The following SERF1B variants were observed in gnomAD, a reference collection of about 807,000 sequenced individuals.
SERF1B encodes the protein small EDRK-rich factor 1B.
rs1774262178 is a variant in SERF1B, at chr5:70,041,677, CT to C, written c.273del (p.Phe91LeufsTer28). On this transcript the variant is annotated frameshift_variant, in exon 3 of 3. Transcript: ENST00000380750. LOFTEE classifies it high-confidence loss of function. ...GCATAACTCCTATCTCTGCCTTTGT[CT>C]TTGTGGTCTTCTTTTCTGTCTTCTT... is the stretch of plus-strand genomic sequence containing the variant. Reference protein sequence around the residue: ...GSITPISAFVFVVFFSVFFPS... With the variant: ...GSITPISAFVXVVFFSVFFPS... 2 of 598,240 alleles carry C rather than the reference CT, an allele frequency of 3.3e-6. No individual in the cohort carries two copies. The highest frequency in any genetic ancestry group is 5.9e-5 in the Admixed American group (2 of 33,722). 37.1% of individuals were successfully genotyped at this position (598,240 alleles called of 1,614,324 possible). A position where few individuals can be genotyped will look rare whatever the true frequency, so the allele number is the denominator to read the frequency against.
At chr5:70,041,327 C>T (rs1169997592) in intron 2 of SERF1B, among the ~76,000 whole-genome samples, 197 bp from the exon 3 acceptor site, 1 of 146,726 alleles carries the variant, frequency 6.8e-6, no homozygotes, top group African/African-American at 2.8e-5. Flanking sequence ...ACTCTCTCAG[C>T]CTTCAGTAAG....
At chr5:70,036,594 T>TACACACAC (rs1212936359) in intron 2 of SERF1B, among the ~76,000 whole-genome samples, 74 of 106,354 alleles carry the variant, frequency 7.0e-4, no homozygotes, top group African/African-American at 2.8e-3. Context: ...TCTCAAAACA[T>TACACACAC]ACACACACAC....
chr5:70,035,383 ATTT>A lies in SERF1B; in HGVS notation c.117-6128_117-6126del, dbSNP rs763970203. ...AATTTTAATTATTATTATTATTATT[ATTT>A]TTTTTTTTTTTTGAGACGGAGTTTC... On this transcript the variant is annotated intron_variant, in intron 2 of 2. Transcript: ENST00000380750. Among the ~76,000 whole-genome samples, 33 of 136,528 alleles carry A rather than the reference ATTT, an allele frequency of 2.4e-4. No homozygotes were observed. The East Asian group carries it at 2.8e-3, about 12-fold the overall frequency. 89.6% of individuals were successfully genotyped at this position (136,528 alleles called of 152,430 possible). A position where few individuals can be genotyped will look rare whatever the true frequency, so the allele number is the denominator to read the frequency against.
intron 2 of SERF1B, among the ~76,000 whole-genome samples, chr5:70,036,641 T>G (rs1406667512): frequency 6.6e-6 from 1 of 150,546 alleles, no homozygotes; most frequent in African/African-American, 2.5e-5. Flanking sequence ...TCTCTCTCTC[T>G]CTCTCTCTCT....
intron 2 of SERF1B, among the ~76,000 whole-genome samples, chr5:70,035,383 A>ATTATTTT (rs1554065471): frequency 1.4e-4 from 19 of 136,534 alleles, no homozygotes; most frequent in South Asian, 2.2e-4. Flanking sequence ...TATTATTATT[A>ATTATTTT]TTTTTTTTTT....
At position 70,036,625 on chromosome 5, in the gene SERF1B, A is replaced by ACT. The variant is rs1217735761; in HGVS notation, c.117-4898_117-4897insTC. Reference sequence around the variant, plus strand: ...CACACACACACACACACACACACACACACACTCTCTCTCTCTCTCTCTCTC... The same window carrying ACT: ...CACACACACACACACACACACACACACTCACACTCTCTCTCTCTCTCTCTCTC... On this transcript the variant is annotated intron_variant, in intron 2 of 2. Transcript: ENST00000380750. Among the ~76,000 whole-genome samples the ACT allele has an allele frequency of 2.8e-3, 145 of 51,582 alleles. 2 individuals carry two copies. The highest frequency in any genetic ancestry group is 7.7e-3 in the African/African-American group (121 of 15,698). The allele number at this position is 51,582 out of a possible 152,430, so 33.8% of individuals were successfully genotyped here.
chr5:70,038,203 A>G (rs1353364971), intron 2 of SERF1B, among the ~76,000 whole-genome samples: 1 of 151,248 alleles, frequency 6.6e-6, no homozygotes, highest in African/African-American at 2.4e-5. Flanking sequence ...TTTTTGTCAA[A>G]TACTTTTTTT....
At position 70,035,383 on chromosome 5, in the gene SERF1B, A is replaced by ATTTTTAT. The variant is rs1774170074; in HGVS notation, c.117-6136_117-6135insATTTTTT. 1.4e-4 allele frequency among the ~76,000 whole-genome samples: 19 copies of ATTTTTAT among 136,576 alleles called. 1 individual carries two copies. Among genetic ancestry groups the ATTTTTAT allele is most frequent in the Non-Finnish European group, 2.5e-4 (16 of 62,798 alleles). 89.6% of individuals were successfully genotyped at this position (136,576 alleles called of 152,430 possible). A position where few individuals can be genotyped will look rare whatever the true frequency, so the allele number is the denominator to read the frequency against. On this transcript the variant is annotated intron_variant, in intron 2 of 2. Transcript: ENST00000380750. ...AATTTTAATTATTATTATTATTATT[A>ATTTTTAT]TTTTTTTTTTTTTTTGAGACGGAGT... is the stretch of plus-strand genomic sequence containing the variant.
intron 2 of SERF1B, among the ~76,000 whole-genome samples, chr5:70,031,887 AG>A (rs1216383647): frequency 9.6e-6 from 1 of 104,504 alleles, no homozygotes; most frequent in Non-Finnish European, 2.1e-5. Flanking sequence ...GATACCAGTT[AG>A]GATACCTAGG....
At position 70,029,257 on chromosome 5, in the gene SERF1B, A is replaced by G. The variant is rs561472918; in HGVS notation, c.116+2742A>G. ...CTTAAGCGATTCTCCTGCGTCAGCA[A>G]TCCAAGTAGCTGGAATTGCAGGCGT... On this transcript the variant is annotated intron_variant, in intron 2 of 2. Transcript: ENST00000380750. 1.8e-4 allele frequency among the ~76,000 whole-genome samples: 27 copies of G among 150,062 alleles called. No homozygotes were observed. The South Asian group carries it at 4.6e-3, about 26-fold the overall frequency.
At chr5:70,041,379 T>A (rs1774255166) in intron 2 of SERF1B, 145 bp from the exon 3 acceptor site, 1 of 694,732 alleles carries the variant, frequency 1.4e-6, no homozygotes, top group South Asian at 1.6e-5. Context: ...AATAATGGTA[T>A]ACTTCTCTCA....
chr5:70,028,987 C>A (rs1282165536), intron 2 of SERF1B, among the ~76,000 whole-genome samples: 6 of 151,450 alleles, frequency 4.0e-5, no homozygotes, highest in South Asian at 4.2e-4. Context: ...AAAAAAAAAA[C>A]CTTTATGTGT....
intron 2 of SERF1B, among the ~76,000 whole-genome samples, chr5:70,029,102 G>T (rs1264109615): frequency 6.6e-6 from 1 of 151,724 alleles, no homozygotes; most frequent in Non-Finnish European, 1.5e-5. Context: ...GCATTAAAAA[G>T]CACCCTAGGT....
chr5:70,035,418 G>T (rs1194061109), intron 2 of SERF1B, among the ~76,000 whole-genome samples: 2 of 107,492 alleles, frequency 1.9e-5, no homozygotes, highest in Non-Finnish European at 3.8e-5. Context: ...TTTCGCTCTT[G>T]TTGCCCAGAC....
At chr5:70,028,925 T>C (rs1161785873) in intron 2 of SERF1B, among the ~76,000 whole-genome samples, 10 of 148,744 alleles carry the variant, frequency 6.7e-5, no homozygotes, top group East Asian at 4.2e-4. Flanking sequence ...TGCAGTGAGC[T>C]GAGATCGCGC....
At chr5:70,036,656 C>CTCTCTCTCTCTCTCTCTT (rs1382517916) in intron 2 of SERF1B, among the ~76,000 whole-genome samples, 5 of 150,618 alleles carry the variant, frequency 3.3e-5, no homozygotes, top group African/African-American at 1.2e-4. Flanking sequence ...CTCTCTCTCT[C>CTCTCTCTCTCTCTCTCTT]TCTCTCTCAA....
chr5:70,029,069 T>C (rs1774105616), intron 2 of SERF1B, among the ~76,000 whole-genome samples: 1 of 151,998 alleles, frequency 6.6e-6, no homozygotes, highest in East Asian at 1.9e-4. Context: ...CATCCAGTTC[T>C]GATTTAATTG....
chr5:70,028,932 G>C (rs1774101134), intron 2 of SERF1B, among the ~76,000 whole-genome samples: 1 of 151,146 alleles, frequency 6.6e-6, no homozygotes, highest in Non-Finnish European at 1.5e-5. Context: ...AGCTGAGATC[G>C]CGCCACCGCA....
chr5:70,029,480 C>T (rs1338459119), intron 2 of SERF1B, among the ~76,000 whole-genome samples: 4 of 146,712 alleles, frequency 2.7e-5, no homozygotes, highest in Admixed American at 1.4e-4. Context: ...TTTATTATTA[C>T]GCTTTAAGTT....
Sources: allele counts gnomAD v4.1 joint callset (sites outside exome capture counted in the v4.1 genomes callset), GRCh38; gene constraint gnomAD v4.1.1; transcripts MANE v1.5; gene names NCBI Gene and HGNC (gene_info 2026-07-23, HGNC 2026-07-21).